The following GHR variants were observed in gnomAD, a reference collection of about 807,000 sequenced individuals.
GHR encodes growth hormone receptor, also known as GH receptor.
GHR carries 35 observed loss-of-function variants against 67.1 expected under a neutral mutation model. That is an observed-to-expected ratio of 0.52 (90% CI 0.40 to 0.69). The LOEUF (loss-of-function observed/expected upper bound fraction) is 0.69, where lower values mean the gene tolerates loss of function less well. Ranked by LOEUF, GHR falls within the 30% of genes least tolerant of loss-of-function variation. The pLI is 0.00. For synonymous variants in GHR, 272 were observed against 269.1 expected (o/e 1.01, Z -0.10); for missense variants, 792 against 764.6 (o/e 1.04, Z -0.42).
intron 2 of GHR, among the ~76,000 whole-genome samples, chr5:42,627,178 T>A (rs1252720576): frequency 6.6e-6 from 1 of 152,248 alleles, no homozygotes; most frequent in East Asian, 1.9e-4. Context: ...ATCATTCACA[T>A]GTTTATTTCT....
intron 1 of GHR, among the ~76,000 whole-genome samples, chr5:42,494,404 C>T (rs1180873162): frequency 1.3e-5 from 2 of 152,068 alleles, no homozygotes; most frequent in Admixed American, 6.6e-5. Context: ...AACCAACTCT[C>T]ATTATTCAAA....
At chr5:42,661,882 C>T (rs1460039199) in intron 3 of GHR, among the ~76,000 whole-genome samples, 2 of 152,176 alleles carry the variant, frequency 1.3e-5, no homozygotes, top group South Asian at 4.1e-4. Context: ...GAGACACACA[C>T]AGGCTCAAAA....
intron 1 of GHR, among the ~76,000 whole-genome samples, chr5:42,436,306 C>A (rs1425143355): frequency 6.6e-6 from 1 of 152,170 alleles, no homozygotes; most frequent in Admixed American, 6.5e-5. Context: ...ATGCTGTATT[C>A]AATTACTCCC....
intron 3 of GHR, among the ~76,000 whole-genome samples, chr5:42,649,670 C>A (rs1754919257): frequency 6.6e-6 from 1 of 152,094 alleles, no homozygotes; most frequent in African/African-American, 2.4e-5. Context: ...GCCTTTCTTC[C>A]TACTCTGGAT....
chr5:42,449,146 G>T (rs1428584246), intron 1 of GHR, among the ~76,000 whole-genome samples: 1 of 151,974 alleles, frequency 6.6e-6, no homozygotes, highest in East Asian at 1.9e-4. Flanking sequence ...TAAATTTTAT[G>T]ATTTTTGTTC....
At chr5:42,533,841 C>T (rs1303917114) in intron 1 of GHR, among the ~76,000 whole-genome samples, 1 of 151,364 alleles carries the variant, frequency 6.6e-6, no homozygotes, top group African/African-American at 2.4e-5. Context: ...CCCACCCTTC[C>T]CCCAAAGTCC....
At chr5:42,466,840 G>A in intron 1 of GHR, 2 of 1,302,164 alleles carry the variant, frequency 1.5e-6, no homozygotes, top group Non-Finnish European at 2.0e-6. Flanking sequence ...TCATTTGGGA[G>A]GCAGAAGGTT....
rs898379850 is a variant in GHR, at chr5:42,477,038, C to T, written c.-12+53083C>T. 7.5e-5 allele frequency among the ~76,000 whole-genome samples: 9 copies of T among 120,726 alleles called. 1 individual carries two copies. The highest frequency in any genetic ancestry group is 2.5e-4 in the African/African-American group (8 of 32,082). 79.2% of individuals were successfully genotyped at this position (120,726 alleles called of 152,430 possible). A position where few individuals can be genotyped will look rare whatever the true frequency, so the allele number is the denominator to read the frequency against. On this transcript the variant is annotated intron_variant, in intron 1 of 9. Coordinates refer to ENST00000230882, the MANE Select transcript of GHR (RefSeq NM_000163.5). ...CTAATGCTATCCCTCCCCCCTCCCC[C>T]CACCCCACAACAGTCCCCAGTGTGT...
chr5:42,712,759 T>C (rs189749429), intron 7 of GHR, among the ~76,000 whole-genome samples: 2 of 152,084 alleles, frequency 1.3e-5, no homozygotes, highest in East Asian at 1.9e-4. Context: ...TACAAACAGG[T>C]TCCCCCAAGT....
intron 1 of GHR, among the ~76,000 whole-genome samples, chr5:42,466,550 G>A (rs554827474): frequency 3.5e-4 from 53 of 152,220 alleles, no homozygotes; most frequent in African/African-American, 1.3e-3. Context: ...AATCATCAGA[G>A]TTTTTAAAAA....
chr5:42,467,130 C>A (rs1744766683), intron 1 of GHR: 1 of 1,598,662 alleles, frequency 6.3e-7, no homozygotes, highest in Admixed American at 1.7e-5. Flanking sequence ...ATTCATTACA[C>A]ACAAAAGGAA....
At chr5:42,465,369 G>T in intron 1 of GHR, 1 of 980,410 alleles carries the variant, frequency 1.0e-6, no homozygotes, top group Non-Finnish European at 1.6e-6. Context: ...AGAAAGTTAG[G>T]TTAAGGGTAT....
At chr5:42,522,499 T>C (rs945134237) in intron 1 of GHR, among the ~76,000 whole-genome samples, 2 of 152,210 alleles carry the variant, frequency 1.3e-5, no homozygotes, top group African/African-American at 2.4e-5. Flanking sequence ...GATCAACATA[T>C]ATTTAGCAGT....
chr5:42,640,644 G>A (rs1561189613), intron 3 of GHR, among the ~76,000 whole-genome samples: 1 of 151,846 alleles, frequency 6.6e-6, no homozygotes, highest in East Asian at 1.9e-4. Context: ...TATTTGAATA[G>A]TTTATGTTTC....
At chr5:42,566,471 A>G (rs1487245631) in intron 2 of GHR, among the ~76,000 whole-genome samples, 1 of 152,182 alleles carries the variant, frequency 6.6e-6, no homozygotes, top group Non-Finnish European at 1.5e-5. Context: ...TGAATGATAT[A>G]CCCAGAAATT....
intron 1 of GHR, among the ~76,000 whole-genome samples, chr5:42,473,689 C>T (rs1745108057): frequency 6.6e-6 from 1 of 151,508 alleles, no homozygotes; most frequent in Non-Finnish European, 1.5e-5. Flanking sequence ...CCATCCTGGC[C>T]AACATGGTGA....
intron 3 of GHR, among the ~76,000 whole-genome samples, chr5:42,655,757 G>GA (rs1755225238): frequency 6.6e-6 from 1 of 151,832 alleles, no homozygotes; most frequent in Non-Finnish European, 1.5e-5. Flanking sequence ...TCTCATTTCT[G>GA]AAAAAAGCAC....
rs1355951740 is a variant in GHR, at chr5:42,467,163, G to C, written c.-12+43208G>C. The C allele has an allele frequency of 2.5e-6, 4 of 1,599,066 alleles. No homozygotes were observed. In the Admixed American group the frequency reaches 6.7e-5, roughly 27 times the overall value. On this transcript the variant is annotated intron_variant, in intron 1 of 9. Transcript: ENST00000230882. The stretch of plus-strand genomic sequence containing the variant: ...GAAGATCTCCACTGTGAATTCTCTG[G>C]TGGACAAAAAGGCAAGAGAGCTGAC...
chr5:42,594,056 T>G (rs1368248985), intron 2 of GHR, among the ~76,000 whole-genome samples: 3 of 152,180 alleles, frequency 2.0e-5, no homozygotes, highest in Admixed American at 6.5e-5. Context: ...ATTGGAGAAT[T>G]TTTCTATATA....
Sources: allele counts gnomAD v4.1 joint callset (sites outside exome capture counted in the v4.1 genomes callset), GRCh38; gene constraint gnomAD v4.1.1; transcripts MANE v1.5; gene names NCBI Gene and HGNC (gene_info 2026-07-23, HGNC 2026-07-21).